IDO2: variants seen among roughly 807,000 people sequenced by gnomAD.
IDO2 encodes indoleamine 2,3-dioxygenase 2, also known as indoleamine 2,3-dioxygenase-like 1 protein.
IDO2 carries 46 observed loss-of-function variants against 45.1 expected under a neutral mutation model. The ratio of observed to expected loss-of-function variants is 1.02; its 90% CI spans 0.80 to 1.30. The LOEUF (loss-of-function observed/expected upper bound fraction) is 1.30. Among genes scored for constraint, IDO2 ranks in the 50% most tolerant of loss-of-function variants. The pLI, the probability that IDO2 is intolerant of heterozygous loss-of-function variation, is 0.00. For synonymous variants in IDO2, 218 were observed against 184.9 expected, an observed-to-expected ratio of 1.18 and a Z score of -1.45; for missense variants, 544 against 491.8, an observed-to-expected ratio of 1.11 and a Z score of -1.00.
chr8:39,944,595 G>A (rs1306582502), intron 1 of IDO2, among the ~76,000 whole-genome samples: 2 of 152,084 alleles, frequency 1.3e-5, no homozygotes, highest in African/African-American at 2.4e-5. Context: ...AGCTATATCC[G>A]CAATTCACAG....
At chr8:39,977,253 A>G (rs1456628610) in intron 3 of IDO2, among the ~76,000 whole-genome samples, 1 of 152,228 alleles carries the variant, frequency 6.6e-6, no homozygotes, top group Non-Finnish European at 1.5e-5. Flanking sequence ...ACAGGCAAAA[A>G]TGCTCAATCT....
chr8:40,014,656 G>A (rs1300339082), intron 10 of IDO2, among the ~76,000 whole-genome samples: 2 of 152,178 alleles, frequency 1.3e-5, no homozygotes, highest in South Asian at 2.1e-4. Flanking sequence ...TACATTTGTT[G>A]TGTAGTAAAT....
intron 8 of IDO2, among the ~76,000 whole-genome samples, chr8:40,003,189 G>A (rs1802166691): frequency 1.3e-5 from 2 of 151,988 alleles, no homozygotes; most frequent in Admixed American, 1.3e-4. Flanking sequence ...GGCCAACATG[G>A]TAAAGTCCCA....
Position 39,970,283 on chromosome 8 carries a change from T to G in IDO2, c.195+6580T>G, listed in dbSNP as rs1408142506. Among the ~76,000 whole-genome samples the G allele has an allele frequency of 3.3e-5, 5 of 152,244 alleles. No individual in the cohort carries two copies. The East Asian group carries it at 9.6e-4, about 29-fold the overall frequency. ...AGAAGCCATCTCCACAACATAAAAG[T>G]GCAAGGTGAAGCAGCAAGTGCTGAT... On this transcript the variant is annotated intron_variant, in intron 3 of 10. Transcript: ENST00000502986.
intron 1 of IDO2, 110 bp from the exon 2 acceptor site, chr8:39,949,039 A>T (rs1807777747): frequency 7.1e-7 from 1 of 1,400,616 alleles, no homozygotes; most frequent in Admixed American, 2.7e-5. Flanking sequence ...CTCAGGGAAA[A>T]GTTCTCTCCT....
Position 39,958,749 on chromosome 8 carries a change from C to T in IDO2, c.100-4859C>T, listed in dbSNP as rs754495733. Among the ~76,000 whole-genome samples the T allele has an allele frequency of 2.3e-4, 35 of 152,246 alleles. No individual in the cohort carries two copies. In the Middle Eastern group the frequency reaches 0.01, roughly 44 times the overall value. ...TACAGGTGTGAGCCACTGGGCCTGG[C>T]ACCTGGTTTATTTTTGTGCATGCTT... On this transcript the variant is annotated intron_variant, in intron 2 of 10. Coordinates refer to ENST00000502986, the Ensembl canonical transcript of IDO2.
chr8:39,969,983 G>A (rs1023039275), intron 3 of IDO2, among the ~76,000 whole-genome samples: 2 of 152,122 alleles, frequency 1.3e-5, no homozygotes, highest in African/African-American at 4.8e-5. Flanking sequence ...AAACAGCCAA[G>A]CTGGGAGTGC....
intron 3 of IDO2, among the ~76,000 whole-genome samples, chr8:39,976,321 A>C (rs1808259209): frequency 6.6e-6 from 1 of 152,130 alleles, no homozygotes; most frequent in South Asian, 2.1e-4. Context: ...ATTTTGAAGG[A>C]TATATAAATA....
At chr8:40,013,328 C>T (rs1802335820) in intron 9 of IDO2, among the ~76,000 whole-genome samples, 1 of 152,118 alleles carries the variant, frequency 6.6e-6, no homozygotes, top group African/African-American at 2.4e-5. Context: ...TAGCCTTTAC[C>T]TCTCTGGAAT....
chr8:39,975,116 C>CA lies in IDO2; in HGVS notation c.196-3941dup, dbSNP rs528336557. ...TGGGAAACAGAGAAAGACTCCGTCTCAAAAAAAAAATAAAGATTTTTCTAA... is the reference window on the plus strand; with the variant it reads ...TGGGAAACAGAGAAAGACTCCGTCTCAAAAAAAAAAATAAAGATTTTTCTAA... On this transcript the variant is annotated intron_variant, in intron 3 of 10. Coordinates refer to ENST00000502986, the Ensembl canonical transcript of IDO2. 6.4e-3 allele frequency among the ~76,000 whole-genome samples: 899 copies of CA among 139,656 alleles called. 6 individuals are homozygous for CA. The highest frequency in any genetic ancestry group is 9.1e-3 in the Non-Finnish European group (591 of 64,608). The allele number at this position is 139,656 out of a possible 152,430, so 91.6% of individuals were successfully genotyped here.
chr8:39,995,784 G>A (rs1802033378), intron 8 of IDO2, among the ~76,000 whole-genome samples: 1 of 149,198 alleles, frequency 6.7e-6, no homozygotes, highest in African/African-American at 2.5e-5. Context: ...TACAGAGATA[G>A]GAGCTAAAGG....
At chr8:39,935,178 C>G in exon 1 of IDO2, 1 of 1,613,090 alleles carries the variant, frequency 6.2e-7, no homozygotes, top group Non-Finnish European at 8.5e-7. Context: ...GACACTTCAC[C>G]CACCAGGCCA....
intron 5 of IDO2, among the ~76,000 whole-genome samples, chr8:39,984,517 T>C (rs1808395977): frequency 6.6e-6 from 1 of 152,028 alleles, no homozygotes; most frequent in Admixed American, 6.6e-5. Flanking sequence ...AAAAAGCTAT[T>C]AATAGCTTCC....
chr8:39,937,524 CTTT>C (rs72104971), intron 1 of IDO2, among the ~76,000 whole-genome samples: 1 of 143,840 alleles, frequency 7.0e-6, no homozygotes, highest in Non-Finnish European at 1.5e-5. Context: ...AAAATATCTT[CTTT>C]TTTTTTTTTT....
At chr8:39,992,185 G>A (rs145928012) in intron 8 of IDO2, among the ~76,000 whole-genome samples, 13 of 152,268 alleles carry the variant, frequency 8.5e-5, no homozygotes, top group African/African-American at 2.9e-4. Flanking sequence ...TGTACGTGTT[G>A]CCAATAGAAT....
chr8:40,006,350 G>T (rs973423744), intron 9 of IDO2, among the ~76,000 whole-genome samples: 1 of 152,192 alleles, frequency 6.6e-6, no homozygotes, highest in Admixed American at 6.5e-5. Flanking sequence ...GTGGGCTAAT[G>T]TAAGTGTTCT....
In IDO2 at chr8:39,989,695, G is replaced by C. The variant is rs916232152; in HGVS notation, c.550-26G>C. ...ATGGACTTTAAGGGAGTGCTAATAA[G>C]TTGTGTACATGCATCTCATCCCTAG... On this transcript the variant is annotated intron_variant, in intron 7 of 10. Transcript: ENST00000502986. 3 of 1,474,460 alleles carry C rather than the reference G, an allele frequency of 2.0e-6. 1 individual carries two copies. The African/African-American group carries it at 4.2e-5, about 21-fold the overall frequency. The allele number at this position is 1,474,460 out of a possible 1,614,324, so 91.3% of individuals were successfully genotyped here.
intron 7 of IDO2, 85 bp from the exon 8 acceptor site, chr8:39,989,635 CT>C: frequency 1.1e-6 from 1 of 920,082 alleles, no homozygotes; most frequent in South Asian, 1.7e-5. Flanking sequence ...CGGTCCTCCC[CT>C]GGGTTCCAAC....
intron 2 of IDO2, among the ~76,000 whole-genome samples, chr8:39,961,736 A>C (rs1199393453): frequency 6.6e-6 from 1 of 152,148 alleles, no homozygotes; most frequent in African/African-American, 2.4e-5. Flanking sequence ...TATATTTAAA[A>C]ATGAATTTAC....
Sources: allele counts gnomAD v4.1 joint callset (sites outside exome capture counted in the v4.1 genomes callset), GRCh38; gene constraint gnomAD v4.1.1; transcripts MANE v1.5; gene names NCBI Gene and HGNC (gene_info 2026-07-23, HGNC 2026-07-21).